Variants in GPC6 observed in about 807,000 individuals in gnomAD.
GPC6 encodes glypican-6.
A neutral mutation model predicts 55.2 loss-of-function variants in GPC6; 14 were observed. The observed-to-expected ratio is 0.25, with a 90% CI of 0.17 to 0.40. The LOEUF (loss-of-function observed/expected upper bound fraction) is 0.40. GPC6 is among the 10% of genes least tolerant of loss of function. The probability of loss-of-function intolerance (pLI) is 1.00; values close to 1 mark genes in which losing one functional copy is unlikely to be tolerated. For missense variants in GPC6, 641 were observed against 708.5 expected, an observed-to-expected ratio of 0.90 and a Z score of 1.08; for synonymous variants, 278 against 259.6, an observed-to-expected ratio of 1.07 and a Z score of -0.68.
chr13:93,786,851 G>C (rs964797928), intron 2 of GPC6, among the ~76,000 whole-genome samples: 2 of 152,128 alleles, frequency 1.3e-5, no homozygotes, highest in Non-Finnish European at 2.9e-5. Context: ...ACTAGTCTTT[G>C]CATTTAGAAA....
At chr13:94,032,153 G>A (rs1883164734) in intron 4 of GPC6, among the ~76,000 whole-genome samples, 1 of 152,134 alleles carries the variant, frequency 6.6e-6, no homozygotes, top group Admixed American at 6.5e-5. Flanking sequence ...TCCCAATTAT[G>A]CAACCTAATA....
chr13:93,534,386 C>T (rs1881974856), intron 1 of GPC6, among the ~76,000 whole-genome samples: 1 of 152,072 alleles, frequency 6.6e-6, no homozygotes, highest in South Asian at 2.1e-4. Context: ...TCACTCTGGG[C>T]ACTTCATTTC....
At chr13:93,714,702 A>G (rs911590864) in intron 2 of GPC6, among the ~76,000 whole-genome samples, 1 of 151,656 alleles carries the variant, frequency 6.6e-6, no homozygotes, top group Non-Finnish European at 1.5e-5. Context: ...AATCACAAGG[A>G]GAAAGCCAAA....
rs925472790 is a variant in GPC6, at chr13:94,398,500, A to C, written c.1324A>C (p.Asn442His). 2 of 1,613,662 alleles carry C rather than the reference A, an allele frequency of 1.2e-6. No individual in the cohort carries two copies. The highest frequency in any genetic ancestry group is 1.7e-5 in the Admixed American group (1 of 59,992). ...LPEIMNDGLTNQINNPEVDVD... is the reference protein window; with the variant it reads ...LPEIMNDGLTHQINNPEVDVD... ...TGAGATCATGAATGATGGGCTCACC[A>C]ACCAGATCAACAATCCCGAGGTGGA... The change falls in exon 8 of 9, where the codon AAC (asparagine) becomes CAC (histidine). Residue 442 changes from asparagine (N) to histidine (H), a missense_variant. By Grantham distance (68) the Asn-to-His change is moderately conservative (BLOSUM62 1). Coordinates refer to ENST00000377047, the MANE Select transcript of GPC6 (RefSeq NM_005708.5).
chr13:93,324,090 A>T (rs1276526423), intron 1 of GPC6, among the ~76,000 whole-genome samples: 1 of 152,230 alleles, frequency 6.6e-6, no homozygotes, highest in Non-Finnish European at 1.5e-5. Flanking sequence ...GTACATATAC[A>T]TAGTGGAGTA....
At chr13:93,557,063 T>C (rs1374419911) in intron 2 of GPC6, among the ~76,000 whole-genome samples, 2 of 152,186 alleles carry the variant, frequency 1.3e-5, no homozygotes, top group African/African-American at 4.8e-5. Flanking sequence ...CTCTAAGGAA[T>C]CTGGGATAAG....
chr13:94,110,292 A>G (rs1278584325), intron 4 of GPC6, among the ~76,000 whole-genome samples: 2 of 152,074 alleles, frequency 1.3e-5, no homozygotes, highest in Admixed American at 1.3e-4. Flanking sequence ...AGGTTATAGA[A>G]AACCATGACT....
At chr13:93,431,517 A>G (rs1298730939) in intron 1 of GPC6, among the ~76,000 whole-genome samples, 1 of 152,214 alleles carries the variant, frequency 6.6e-6, no homozygotes, top group African/African-American at 2.4e-5. Context: ...TGAGTGAAAG[A>G]TAAGTGAAAA....
chr13:93,574,692 C>A (rs925818951), intron 2 of GPC6, among the ~76,000 whole-genome samples: 6 of 152,196 alleles, frequency 3.9e-5, no homozygotes, highest in African/African-American at 1.2e-4. Flanking sequence ...TCCATTACCC[C>A]CCAAAAATCT....
At chr13:93,515,044 T>C (rs1483610186) in intron 1 of GPC6, among the ~76,000 whole-genome samples, 1 of 152,132 alleles carries the variant, frequency 6.6e-6, no homozygotes, top group Non-Finnish European at 1.5e-5. Context: ...TGGAGGCTCA[T>C]GGTAGTATCT....
chr13:94,144,668 T>G (rs1566462187), intron 4 of GPC6, among the ~76,000 whole-genome samples: 1 of 152,050 alleles, frequency 6.6e-6, no homozygotes, highest in African/African-American at 2.4e-5. Flanking sequence ...AAAATACCTG[T>G]TCCTGACATG....
chr13:94,264,311 G>T (rs1295161059), intron 4 of GPC6, among the ~76,000 whole-genome samples: 3 of 152,204 alleles, frequency 2.0e-5, no homozygotes, highest in Admixed American at 1.3e-4. Flanking sequence ...TCTTTGGTCT[G>T]CATGCAGCCT....
intron 1 of GPC6, among the ~76,000 whole-genome samples, chr13:93,455,903 G>T (rs1002056935): frequency 2.6e-5 from 4 of 152,166 alleles, no homozygotes; most frequent in Admixed American, 6.5e-5. Context: ...GCTGTTCATG[G>T]AGTGTTTCAT....
intron 1 of GPC6, among the ~76,000 whole-genome samples, chr13:93,544,607 C>T (rs1457878896): frequency 6.6e-6 from 1 of 152,194 alleles, no homozygotes; most frequent in African/African-American, 2.4e-5. Context: ...TTGTCGAAAG[C>T]AGTAGATAGA....
chr13:93,604,650 C>G (rs1346470422), intron 2 of GPC6, among the ~76,000 whole-genome samples: 2 of 151,844 alleles, frequency 1.3e-5, no homozygotes, highest in South Asian at 2.1e-4. Flanking sequence ...TAAGACATAG[C>G]AACAATAGAA....
In GPC6 at chr13:93,519,782, A is replaced by G. The variant is rs376315150; in HGVS notation, c.161-25481A>G. On this transcript the variant is annotated intron_variant, in intron 1 of 8. Coordinates refer to ENST00000377047, the MANE Select transcript of GPC6 (RefSeq NM_005708.5). The stretch of plus-strand genomic sequence containing the variant: ...CAGACTGTAATTAAAAGAAAAATCT[A>G]AAAGTTATATTTCTAAGTTACTCTA... 2.2e-4 allele frequency among the ~76,000 whole-genome samples: 34 copies of G among 152,110 alleles called. No homozygotes were observed. The East Asian group carries it at 5.8e-3, about 26-fold the overall frequency.
chr13:93,475,103 C>T (rs577520751), intron 1 of GPC6, among the ~76,000 whole-genome samples: 12 of 152,098 alleles, frequency 7.9e-5, no homozygotes, highest in Admixed American at 3.9e-4. Context: ...GATCATGCCA[C>T]GACACTCCAG....
chr13:93,720,164 C>A (rs1364547135), intron 2 of GPC6, among the ~76,000 whole-genome samples: 1 of 152,020 alleles, frequency 6.6e-6, no homozygotes. Context: ...ATGGTACCAG[C>A]TCCTTTTTGT....
chr13:94,206,194 G>A (rs914434382), intron 4 of GPC6, among the ~76,000 whole-genome samples: 9 of 152,144 alleles, frequency 5.9e-5, no homozygotes, highest in East Asian at 1.9e-4. Context: ...AGAAAAGCTC[G>A]ATCAGGAAAA....
Sources: allele counts gnomAD v4.1 joint callset (sites outside exome capture counted in the v4.1 genomes callset), GRCh38; gene constraint gnomAD v4.1.1; transcripts MANE v1.5; gene names NCBI Gene and HGNC (gene_info 2026-07-23, HGNC 2026-07-21).